The following WASHC5 variants were observed in gnomAD, a reference collection of about 807,000 sequenced individuals.
The protein encoded by WASHC5 is WASH complex subunit 5.
WASHC5 carries 101 observed loss-of-function variants against 150.4 expected under a neutral mutation model. The observed-to-expected ratio is 0.67, with a 90% CI of 0.57 to 0.79. The LOEUF (loss-of-function observed/expected upper bound fraction) is 0.79. Ranked by LOEUF, WASHC5 falls within the 30% of genes least tolerant of loss-of-function variation. The pLI is 0.00. For missense variants in WASHC5, 1,195 were observed against 1,396.3 expected (o/e 0.86, Z 2.30); for synonymous variants, 467 against 491.2 (o/e 0.95, Z 0.65).
chr8:125,079,116 G>GTGTATATA (rs370503575), intron 5 of WASHC5, among the ~76,000 whole-genome samples, 186 bp from the exon 6 acceptor site: 6 of 97,912 alleles, frequency 6.1e-5, no homozygotes, highest in South Asian at 3.6e-4. Context: ...GTGTGTGTGT[G>GTGTATATA]TATATATATA....
chr8:125,039,862 T>C lies in WASHC5; in HGVS notation c.2887A>G (p.Asn963Asp), dbSNP rs771735577. 1.2e-6 allele frequency: 2 copies of C among 1,613,954 alleles called. No individual in the cohort carries two copies. Among genetic ancestry groups the C allele is most frequent in the East Asian group, 2.2e-5 (1 of 44,850 alleles). Reference sequence around the variant, plus strand: ...AACCGACAAGAATAATTTAATTCATTGGCAATCTGTTGTCTCAGAATCTGC... The same window carrying C: ...AACCGACAAGAATAATTTAATTCATCGGCAATCTGTTGTCTCAGAATCTGC... ...QMQILRQQIANELNYSCRFDS... is the reference protein window; with the variant it reads ...QMQILRQQIADELNYSCRFDS... Residue 963 changes from asparagine (N) to aspartate (D), a missense_variant, in exon 24 of 29, where the codon AAT (asparagine) becomes GAT (aspartate). Transcript: ENST00000318410.
intron 28 of WASHC5, among the ~76,000 whole-genome samples, chr8:125,026,713 G>T (rs943016859): frequency 5.9e-5 from 9 of 151,772 alleles, no homozygotes; most frequent in Non-Finnish European, 4.4e-5. Context: ...GTATGCACAG[G>T]GTGTGTTTCT....
chr8:125,080,896 A>G (rs1817238331), intron 5 of WASHC5, among the ~76,000 whole-genome samples: 1 of 152,216 alleles, frequency 6.6e-6, no homozygotes, highest in Non-Finnish European at 1.5e-5. Context: ...CTGAATGACA[A>G]CTTTTCAAAG....
chr8:125,077,449 C>A (rs1400800077), intron 6 of WASHC5, among the ~76,000 whole-genome samples: 1 of 152,218 alleles, frequency 6.6e-6, no homozygotes, highest in Non-Finnish European at 1.5e-5. Flanking sequence ...TACCTGGAGA[C>A]AGAATCTGTT....
At chr8:125,081,245 T>TC (rs1192162605) in intron 5 of WASHC5, among the ~76,000 whole-genome samples, 1 of 150,296 alleles carries the variant, frequency 6.7e-6, no homozygotes, top group Non-Finnish European at 1.5e-5. Context: ...ACTTTTTTTT[T>TC]TTTTTTTTTT....
chr8:125,090,193 T>C (rs1817561539), intron 1 of WASHC5, among the ~76,000 whole-genome samples: 1 of 152,214 alleles, frequency 6.6e-6, no homozygotes, highest in South Asian at 2.1e-4. Flanking sequence ...CAAATGGAAT[T>C]TCCATAATTT....
In WASHC5 at chr8:125,078,779, T is replaced by C; in HGVS notation, c.670A>G (p.Met224Val). ...TCAGATCTCAGTCGACCAATGACCA[T>C]ACTGATGAAGGATTCGTTGATAGGC... ...RVPINESFIS[M>V]VIGRLRSDDI... The change falls in exon 6 of 29, where the codon ATG (methionine) becomes GTG (valine). Residue 224 changes from methionine (M) to valine (V), a missense_variant. Around this residue, in one of 3 missense-constraint regions of WASHC5, gnomAD observed 997 missense variants for 1,168.1 expected, o/e 0.85. Coordinates refer to ENST00000318410, the MANE Select transcript of WASHC5 (RefSeq NM_014846.4). 3.7e-6 allele frequency: 6 copies of C among 1,613,930 alleles called. No individual in the cohort carries two copies. The highest frequency in any genetic ancestry group is 5.1e-6 in the Non-Finnish European group (6 of 1,179,886).
rs755476381 is a variant in WASHC5, at chr8:125,063,539, G to A, written c.1391C>T (p.Thr464Ile). ...ADVFSGVKPL[T>I]RVEKNENLQA... Reference sequence around the variant, plus strand: ...GTAATTACCATTTTTCTCCACTCTGGTTAGGGGTTTCACTCCTGAAAAGAC... The same window carrying A: ...GTAATTACCATTTTTCTCCACTCTGATTAGGGGTTTCACTCCTGAAAAGAC... Residue 464 changes from threonine to isoleucine, a missense_variant, in exon 11 of 29, where the codon ACC (threonine) becomes ATC (isoleucine). Around this residue, in one of 3 missense-constraint regions of WASHC5, gnomAD observed 997 missense variants for 1,168.1 expected, o/e 0.85. Transcript: ENST00000318410. 6.2e-7 allele frequency: 1 copy of A among 1,613,806 alleles called. No homozygotes were observed. The highest frequency in any genetic ancestry group is 8.5e-7 in the Non-Finnish European group (1 of 1,179,860).
chr8:125,068,549 T>C (rs1816814570), intron 9 of WASHC5, among the ~76,000 whole-genome samples: 1 of 152,206 alleles, frequency 6.6e-6, no homozygotes, highest in Admixed American at 6.5e-5. Context: ...TCCGCTATAA[T>C]AAATCATAGC....
chr8:125,076,744 T>TAAAAAAAAAAAAAAAAAAAA (rs59580091), intron 6 of WASHC5, among the ~76,000 whole-genome samples: 1 of 132,274 alleles, frequency 7.6e-6, no homozygotes, highest in African/African-American at 3.2e-5. Context: ...AGTCTTTTCT[T>TAAAAAAAAAAAAAAAAAAAA]AAAAAAAAAA....
chr8:125,027,287 G>T (rs1226636502), intron 28 of WASHC5, among the ~76,000 whole-genome samples: 3 of 152,196 alleles, frequency 2.0e-5, no homozygotes, highest in Admixed American at 1.3e-4. Flanking sequence ...CAGAGGAAAA[G>T]AAGTCATTAT....
Position 125,043,889 on chromosome 8 carries a change from ATTTT to A in WASHC5, c.2782_2785del (p.Lys928PhefsTer20). 1 of 1,612,844 alleles carries A rather than the reference ATTTT, an allele frequency of 6.2e-7. No individual in the cohort carries two copies. The highest frequency in any genetic ancestry group is 8.5e-7 in the Non-Finnish European group (1 of 1,178,886). ...TGTTTTGGCAATGGCGGAAAAATAAATTTTATTTGAATTTGCTGAAAAGTTAAAA... is the reference window on the plus strand; with the variant it reads ...TGTTTTGGCAATGGCGGAAAAATAAAATTTGAATTTGCTGAAAAGTTAAAA... On this transcript the variant is annotated frameshift_variant, in exon 23 of 29. Coordinates refer to ENST00000318410, the MANE Select transcript of WASHC5 (RefSeq NM_014846.4). LOFTEE classifies it high-confidence loss of function.
intron 10 of WASHC5, among the ~76,000 whole-genome samples, chr8:125,064,394 T>A (rs998809485): frequency 1.1e-4 from 16 of 150,720 alleles, no homozygotes; most frequent in African/African-American, 3.2e-4. Flanking sequence ...TATTTTTTTT[T>A]TTTTTGCAGA....
At chr8:125,057,757 T>C in intron 14 of WASHC5, 91 bp from the exon 15 acceptor site, 1 of 850,656 alleles carries the variant, frequency 1.2e-6, no homozygotes. Flanking sequence ...AACAAAACAT[T>C]TGGGTTTTAC....
intron 10 of WASHC5, among the ~76,000 whole-genome samples, chr8:125,066,671 A>G (rs1389222003): frequency 2.0e-5 from 3 of 152,200 alleles, no homozygotes; most frequent in Non-Finnish European, 4.4e-5. Context: ...TGCAAGGCCT[A>G]GTATGGGCTG....
intron 7 of WASHC5, 32 bp from the exon 8 acceptor site, chr8:125,075,143 T>C: frequency 7.5e-7 from 1 of 1,326,818 alleles, no homozygotes; most frequent in Non-Finnish European, 1.1e-6. Context: ...ATTTGTTAAA[T>C]TCCTACTCAC....
chr8:125,063,589 C>T lies in WASHC5; in HGVS notation c.1341G>A (p.Ser447=), dbSNP rs763975296. The change falls in exon 11 of 29, where the codon TCG becomes TCA. Residue 447 remains serine (S), a synonymous_variant. Transcript: ENST00000318410. ...CATCAGCAAGCTCAGTCATCCGCTCCGAACCCTCTTTCTTGTAATGCTCCC... is the reference window on the plus strand; with the variant it reads ...CATCAGCAAGCTCAGTCATCCGCTCTGAACCCTCTTTCTTGTAATGCTCCC... ...TKWEHYKKEG[S]ERMTELADVF... is the part of the protein sequence containing the mutation. The T allele has an allele frequency of 8.1e-6, 13 of 1,613,770 alleles. No homozygotes were observed. The highest frequency in any genetic ancestry group is 4.5e-5 in the East Asian group (2 of 44,884).
chr8:125,050,562 AC>A lies in WASHC5; in HGVS notation c.2199+1del. On this transcript the variant is annotated splice_donor_variant, in intron 18 of 28. Transcript: ENST00000318410. LOFTEE classifies it high-confidence loss of function. ...GACAGGCCCACTCTGGTCACTGGGT[AC>A]CTTGGCTCGAGGGTTGAATATCAGT... 6.2e-7 allele frequency: 1 copy of A among 1,611,440 alleles called. No individual in the cohort carries two copies. Among genetic ancestry groups the A allele is most frequent in the Non-Finnish European group, 8.5e-7 (1 of 1,177,542 alleles).
At chr8:125,068,123 C>A (rs530271558) in intron 9 of WASHC5, among the ~76,000 whole-genome samples, 2 of 152,324 alleles carry the variant, frequency 1.3e-5, no homozygotes, top group East Asian at 1.9e-4. Context: ...TGATCCCTGC[C>A]ATTCAGTAAC....
Sources: allele counts gnomAD v4.1 joint callset (sites outside exome capture counted in the v4.1 genomes callset), GRCh38; gene constraint gnomAD v4.1.1; regional missense constraint gnomAD v4.1.1; transcripts MANE v1.5; gene names NCBI Gene and HGNC (gene_info 2026-07-23, HGNC 2026-07-21).